ZNF613: variants seen among roughly 807,000 people sequenced by gnomAD.
ZNF613 encodes the protein zinc finger protein 613.
In ZNF613, 8 loss-of-function variants were observed where a neutral mutation model predicts 14.3. The observed-to-expected ratio is 0.56, with a 90% CI of 0.33 to 1.01. ZNF613 has a LOEUF of 1.01. ZNF613 is among the 50% of genes least tolerant of loss of function. The pLI, the probability that ZNF613 is intolerant of heterozygous loss-of-function variation, is 0.03. For synonymous variants in ZNF613, 228 were observed against 254.5 expected (o/e 0.90, Z 0.99); for missense variants, 656 against 741.9 (o/e 0.88, Z 1.35).
At chr19:51,933,945 T>G (rs1453175478) in intron 2 of ZNF613, among the ~76,000 whole-genome samples, 1 of 152,106 alleles carries the variant, frequency 6.6e-6, no homozygotes, top group African/African-American at 2.4e-5. Context: ...ACTACAGACA[T>G]GTGCCACCAC....
intron 3 of ZNF613, 76 bp from the exon 4 acceptor site, chr19:51,940,133 C>G: frequency 4.5e-6 from 7 of 1,556,248 alleles, no homozygotes; most frequent in Non-Finnish European, 6.2e-6. Context: ...TAAAAATGAG[C>G]AGAACAATGT....
chr19:51,936,103 T>C lies in ZNF613; in HGVS notation c.-118T>C. ...AGGTTCCAGGACCTGGATACCATCC[T>C]TTGCAGGGATGTAATTCACCAGAGA... On this transcript the variant is annotated 5_prime_UTR_variant, in exon 3 of 6. Transcript: ENST00000293471. The C allele has an allele frequency of 9.3e-7, 1 of 1,076,998 alleles. No homozygotes were observed. The highest frequency in any genetic ancestry group is 1.7e-5 in the South Asian group (1 of 58,710). The allele number at this position is 1,076,998 out of a possible 1,614,324, so 66.7% of individuals were successfully genotyped here.
chr19:51,945,176 T>C lies in ZNF613; in HGVS notation c.1293T>C (p.Asn431=), dbSNP rs200557178. 16 of 1,614,140 alleles carry C rather than the reference T, an allele frequency of 9.9e-6. No individual in the cohort carries two copies. The highest frequency in any genetic ancestry group is 1.3e-5 in the Non-Finnish European group (15 of 1,180,004). ...THTGEKPYVC[N]ECGKGFSQKT... ...CTGGAGAGAAACCCTATGTATGCAA[T>C]GAATGTGGGAAAGGCTTCAGCCAGA... Residue 431 remains asparagine, a synonymous_variant, in exon 6 of 6, where the codon AAT becomes AAC. Transcript: ENST00000293471.
Position 51,946,406 on chromosome 19 carries a change from T to G in ZNF613, c.*669T>G, listed in dbSNP as rs2085401962. ...TATAGCACAATGTACCTCTTCCCCC[T>G]TTTTTGATAAGAGTCTTCTATTCCC... On this transcript the variant is annotated 3_prime_UTR_variant, in exon 6 of 6. Transcript: ENST00000293471. The G allele has an allele frequency of 6.6e-6, 1 of 152,228 alleles. No individual in the cohort carries two copies. The highest frequency in any genetic ancestry group is 1.5e-5 in the Non-Finnish European group (1 of 68,040). 9.4% of individuals were successfully genotyped at this position (152,228 alleles called of 1,614,324 possible). A position where few individuals can be genotyped will look rare whatever the true frequency, so the allele number is the denominator to read the frequency against.
At chr19:51,932,115 G>A (rs2085270483) in intron 2 of ZNF613, among the ~76,000 whole-genome samples, 1 of 152,002 alleles carries the variant, frequency 6.6e-6, no homozygotes, top group Non-Finnish European at 1.5e-5. Context: ...GCCTCTAGAT[G>A]TCCCCATAGA....
At chr19:51,937,543 C>T (rs1437694393) in intron 3 of ZNF613, among the ~76,000 whole-genome samples, 1 of 152,060 alleles carries the variant, frequency 6.6e-6, no homozygotes, top group Non-Finnish European at 1.5e-5. Flanking sequence ...GTAGCTGTCA[C>T]CTTCTGTCTA....
chr19:51,933,450 A>T (rs1018887654), intron 2 of ZNF613, among the ~76,000 whole-genome samples: 5 of 151,944 alleles, frequency 3.3e-5, no homozygotes, highest in South Asian at 2.1e-4. Context: ...CAATTTTTTT[A>T]TTTTTATTTT....
chr19:51,928,554 A>G (rs544062210), intron 1 of ZNF613, among the ~76,000 whole-genome samples: 235 of 152,298 alleles, frequency 1.5e-3, no homozygotes, highest in Non-Finnish European at 2.2e-3. Context: ...AAGATCAAAG[A>G]TTAATCAAAT....
In ZNF613 at chr19:51,940,110, G is replaced by A. The variant is rs1033097745; in HGVS notation, c.16-99G>A. On this transcript the variant is annotated intron_variant, in intron 3 of 5. Transcript: ENST00000293471. Reference sequence around the variant, plus strand: ...AATCACAGCACCTAGATATATAGATGCAGACTATTTGGTAAAAATGAGCAG... The same window carrying A: ...AATCACAGCACCTAGATATATAGATACAGACTATTTGGTAAAAATGAGCAG... The A allele has an allele frequency of 4.7e-6, 7 of 1,478,364 alleles. No homozygotes were observed. The South Asian group carries it at 7.9e-5, about 17-fold the overall frequency. 91.6% of individuals were successfully genotyped at this position (1,478,364 alleles called of 1,614,324 possible). A position where few individuals can be genotyped will look rare whatever the true frequency, so the allele number is the denominator to read the frequency against.
Position 51,945,782 on chromosome 19 carries a change from A to C in ZNF613, c.*45A>C, listed in dbSNP as rs780512883. 1 of 1,600,128 alleles carries C rather than the reference A, an allele frequency of 6.2e-7. No individual in the cohort carries two copies. On this transcript the variant is annotated 3_prime_UTR_variant, in exon 6 of 6. Coordinates refer to ENST00000293471, the MANE Select transcript of ZNF613 (RefSeq NM_001031721.4). ...AATGTGGTAGTGCTTTCAGTGATCA[A>C]TTACATCATATGTCACAAAAAACAC... is the stretch of plus-strand genomic sequence containing the variant.
intron 5 of ZNF613, among the ~76,000 whole-genome samples, chr19:51,941,740 C>G (rs2085351979): frequency 6.6e-6 from 1 of 152,218 alleles, no homozygotes; most frequent in Non-Finnish European, 1.5e-5. Context: ...ATTTTTTACC[C>G]ACTTGCATGT....
In ZNF613 at chr19:51,940,697, C is replaced by T; in HGVS notation, c.223C>T (p.Gln75Ter). ...GACAGTAGAAAATGAAATCCACAGC[C>T]AAATCTGTCCAGGTGAGTTCAGGGT... ...PWTVENEIHS[Q>*]ICPEIKKVDN... The change falls in exon 5 of 6, where the codon CAA becomes TAA. Residue 75 changes from glutamine (Q) to a stop codon, truncating the protein, a stop_gained. Coordinates refer to ENST00000293471, the MANE Select transcript of ZNF613 (RefSeq NM_001031721.4). LOFTEE classifies it low-confidence loss of function (END_TRUNC). The T allele has an allele frequency of 1.2e-6, 2 of 1,612,464 alleles. No individual in the cohort carries two copies. Among genetic ancestry groups the T allele is most frequent in the Non-Finnish European group, 8.5e-7 (1 of 1,179,120 alleles).
chr19:51,931,438 A>G (rs997918779), intron 2 of ZNF613, among the ~76,000 whole-genome samples: 3 of 152,202 alleles, frequency 2.0e-5, no homozygotes, highest in African/African-American at 7.2e-5. Context: ...CCTTAGTCAT[A>G]TAATTTATTT....
At chr19:51,939,719 A>G (rs1003006386) in intron 3 of ZNF613, among the ~76,000 whole-genome samples, 8 of 152,166 alleles carry the variant, frequency 5.3e-5, no homozygotes, top group Non-Finnish European at 1.2e-4. Flanking sequence ...TTTTGGAAAG[A>G]GTCTTTTACT....
Position 51,936,135 on chromosome 19 carries a change from T to G in ZNF613, c.-86T>G. ...GGATGTAATTCACCAGAGACCAAGA[T>G]TTCTAGCCAGAAATTGAGGGCAGCT... On this transcript the variant is annotated 5_prime_UTR_variant, in exon 3 of 6. Transcript: ENST00000293471. 2 of 1,447,836 alleles carry G rather than the reference T, an allele frequency of 1.4e-6. No individual in the cohort carries two copies. Among genetic ancestry groups the G allele is most frequent in the Non-Finnish European group, 1.9e-6 (2 of 1,066,394 alleles). 89.7% of individuals were successfully genotyped at this position (1,447,836 alleles called of 1,614,324 possible).
intron 4 of ZNF613, 78 bp downstream of exon 4, chr19:51,940,413 A>G (rs2085338914): frequency 6.2e-7 from 1 of 1,609,500 alleles, no homozygotes; most frequent in Admixed American, 1.7e-5. Flanking sequence ...AAAGCTCTGG[A>G]GGGCCTGTGG....
chr19:51,934,203 G>A (rs958384436), intron 2 of ZNF613, among the ~76,000 whole-genome samples: 1 of 152,036 alleles, frequency 6.6e-6, no homozygotes, highest in Non-Finnish European at 1.5e-5. Flanking sequence ...GTTTTTACTT[G>A]ATTTTTTGAT....
intron 4 of ZNF613, 135 bp from the exon 5 acceptor site, chr19:51,940,482 C>A: frequency 6.7e-7 from 1 of 1,496,648 alleles, no homozygotes; most frequent in Non-Finnish European, 9.1e-7. Flanking sequence ...GTGTAATGTG[C>A]CCCCTTTAGA....
chr19:51,944,346 G>A lies in ZNF613; in HGVS notation c.463G>A (p.Val155Met). 3 of 1,596,258 alleles carry A rather than the reference G, an allele frequency of 1.9e-6. No homozygotes were observed. The highest frequency in any genetic ancestry group is 2.2e-5 in the East Asian group (1 of 44,476). Residue 155 changes from valine (V) to methionine (M), a missense_variant, in exon 6 of 6, where the codon GTG becomes ATG. Coordinates refer to ENST00000293471, the MANE Select transcript of ZNF613 (RefSeq NM_001031721.4). ...CAAAAGGTATGAAATCAAGAATTCT[G>A]TGGGGGTTAATGGAGATGGGAAATC... ...QNKRYEIKNS[V>M]GVNGDGKSFL...
Sources: allele counts gnomAD v4.1 joint callset (sites outside exome capture counted in the v4.1 genomes callset), GRCh38; gene constraint gnomAD v4.1.1; transcripts MANE v1.5; gene names NCBI Gene and HGNC (gene_info 2026-07-23, HGNC 2026-07-21).